Variants in CEP104 observed in about 807,000 individuals in gnomAD.
The protein encoded by CEP104 is centrosomal protein of 104 kDa.
In CEP104, 84 loss-of-function variants were observed where a neutral mutation model predicts 113.3. That is an observed-to-expected ratio of 0.74 (90% CI 0.62 to 0.89). The LOEUF is 0.89. Among genes scored for constraint, CEP104 ranks in the 40% least tolerant of loss-of-function variants. CEP104 has a pLI of 0.00. For missense variants in CEP104, 1,053 were observed against 1,156.6 expected, an observed-to-expected ratio of 0.91 and a Z score of 1.30; for synonymous variants, 378 against 421.7, an observed-to-expected ratio of 0.90 and a Z score of 1.27.
intron 13 of CEP104, 137 bp downstream of exon 13, chr1:3,830,909 G>T: frequency 1.1e-6 from 1 of 901,650 alleles, no homozygotes; most frequent in Non-Finnish European, 1.6e-6. Flanking sequence ...CCCATTTGTT[G>T]GATGAAACAC....
chr1:3,833,824 A>T (rs1001224598), intron 12 of CEP104, 38 bp downstream of exon 12: 2 of 1,601,532 alleles, frequency 1.2e-6, no homozygotes, highest in Admixed American at 3.3e-5. Context: ...GAATATGTTT[A>T]TCATCTACGG....
chr1:3,814,749 G>C lies in CEP104; in HGVS notation c.*653C>G, dbSNP rs1252675747. On this transcript the variant is annotated 3_prime_UTR_variant, in exon 22 of 22. Transcript: ENST00000378230. The stretch of plus-strand genomic sequence containing the variant: ...ATCCAGCAAGGTGCGGCTGAGGTGG[G>C]ACCAATTCTCAAAAAAACTACGATT... 6.6e-6 allele frequency: 1 copy of C among 152,320 alleles called. No individual in the cohort carries two copies. Among genetic ancestry groups the C allele is most frequent in the Non-Finnish European group, 1.5e-5 (1 of 68,116 alleles). The allele number at this position is 152,320 out of a possible 1,614,324, so 9.4% of individuals were successfully genotyped here. A position where few individuals can be genotyped will look rare whatever the true frequency, so the allele number is the denominator to read the frequency against.
intron 4 of CEP104, among the ~76,000 whole-genome samples, chr1:3,846,761 T>A (rs561971392): frequency 1.4e-4 from 21 of 152,336 alleles, no homozygotes; most frequent in Admixed American, 1.3e-4. Context: ...GAGATTTGAT[T>A]TGCTGGGTGC....
intron 20 of CEP104, among the ~76,000 whole-genome samples, chr1:3,821,944 C>A (rs1302236472): frequency 2.6e-5 from 4 of 152,182 alleles, no homozygotes; most frequent in Non-Finnish European, 4.4e-5. Context: ...GATGAGATGG[C>A]GGCAATGTGA....
intron 1 of CEP104, among the ~76,000 whole-genome samples, chr1:3,854,933 G>A (rs537022162): frequency 4.6e-4 from 69 of 149,268 alleles, no homozygotes; most frequent in African/African-American, 1.4e-3. Context: ...GTGCAGTGGC[G>A]TGATCGCGGC....
intron 15 of CEP104, among the ~76,000 whole-genome samples, chr1:3,827,293 C>T (rs1311797397): frequency 1.3e-5 from 2 of 152,280 alleles, no homozygotes; most frequent in Non-Finnish European, 2.9e-5. Flanking sequence ...CAACTCACTG[C>T]AGCTTTGGCC....
rs903480324 is a variant in CEP104, at chr1:3,823,000, T to G, written c.2571+174A>C. ...TACGGAAGGAAATCATGTGAACACG[T>G]AGGTAAACGGAACGACTGCTCAGAC... On this transcript the variant is annotated intron_variant, in intron 20 of 21. Transcript: ENST00000378230. 20 of 650,640 alleles carry G rather than the reference T, an allele frequency of 3.1e-5. No homozygotes were observed. The South Asian group carries it at 3.8e-4, about 12-fold the overall frequency. The allele number at this position is 650,640 out of a possible 1,614,324, so 40.3% of individuals were successfully genotyped here. A position where few individuals can be genotyped will look rare whatever the true frequency, so the allele number is the denominator to read the frequency against.
chr1:3,836,883 G>T, intron 9 of CEP104, 191 bp from the exon 10 acceptor site: 1 of 583,100 alleles, frequency 1.7e-6, no homozygotes, highest in Non-Finnish European at 3.0e-6. Context: ...ATTAGATGAG[G>T]CTTTCTATTA....
At chr1:3,818,964 TGA>T (rs1249345627) in intron 20 of CEP104, among the ~76,000 whole-genome samples, 1 of 152,362 alleles carries the variant, frequency 6.6e-6, no homozygotes, top group East Asian at 1.9e-4. Context: ...TAGCATCTCC[TGA>T]GAGATTCATA....
rs1445004636 is a variant in CEP104 at position 3,837,508 on chromosome 1, A to T, written c.903T>A (p.Pro301=). Residue 301 remains proline (P), a synonymous_variant, in exon 9 of 22, where the codon CCT becomes CCA. Transcript: ENST00000378230. The part of the protein sequence containing the change: ...SLLDAELMRR[P]FDLPLQPLAR... Reference sequence around the variant, plus strand: ...CGAGGGGCTGGAGGGGCAAATCAAAAGGTCTTCGCATCTAGAGAACAAAAA... The same window carrying T: ...CGAGGGGCTGGAGGGGCAAATCAAATGGTCTTCGCATCTAGAGAACAAAAA... The T allele has an allele frequency of 6.2e-7, 1 of 1,614,150 alleles. No individual in the cohort carries two copies. Among genetic ancestry groups the T allele is most frequent in the South Asian group, 1.1e-5 (1 of 91,082 alleles).
In CEP104 at chr1:3,815,417, C is replaced by A. The variant is rs371225799; in HGVS notation, c.2763G>T (p.Thr921=). ...KGGLSKSSSR[T]YAKR is the part of the protein sequence containing the mutation. ...GAGCGCCGCGTCAGCGCTTGGCGTACGTCCTGCTGGAGCTCTTGCTCAGTC... is the reference window on the plus strand; with the variant it reads ...GAGCGCCGCGTCAGCGCTTGGCGTAAGTCCTGCTGGAGCTCTTGCTCAGTC... The change falls in exon 22 of 22, where the codon ACG becomes ACT. Residue 921 remains threonine, a synonymous_variant. Coordinates refer to ENST00000378230, the MANE Select transcript of CEP104 (RefSeq NM_014704.4). 7 of 1,612,092 alleles carry A rather than the reference C, an allele frequency of 4.3e-6. No individual in the cohort carries two copies. The Admixed American group carries it at 1.2e-4, about 27-fold the overall frequency.
At chr1:3,842,828 C>A (rs554098809) in intron 6 of CEP104, among the ~76,000 whole-genome samples, 4 of 152,050 alleles carry the variant, frequency 2.6e-5, no homozygotes, top group Non-Finnish European at 5.9e-5. Flanking sequence ...TGCTCTGTCC[C>A]CCAGACTGTA....
At position 3,852,556 on chromosome 1, in the gene CEP104, A is replaced by C. The variant is rs548619543; in HGVS notation, c.-14-135T>G. ...ATTCAGAATTTTCCCATCTCTTTGA[A>C]AAGAGTCTATTTTTTTTTGTTAAAC... is the stretch of plus-strand genomic sequence containing the variant. On this transcript the variant is annotated intron_variant, in intron 1 of 21. Coordinates refer to ENST00000378230, the MANE Select transcript of CEP104 (RefSeq NM_014704.4). The C allele has an allele frequency of 3.8e-6, 3 of 782,260 alleles. No homozygotes were observed. In the East Asian group the frequency reaches 8.7e-5, roughly 23 times the overall value. The allele number at this position is 782,260 out of a possible 1,614,324, so 48.5% of individuals were successfully genotyped here.
rs552488241 is a variant in CEP104 at position 3,845,046 on chromosome 1, C to T, written c.490-63G>A. The T allele has an allele frequency of 3.7e-6, 5 of 1,342,712 alleles. No homozygotes were observed. In the African/African-American group the frequency reaches 5.7e-5, roughly 15 times the overall value. 83.2% of individuals were successfully genotyped at this position (1,342,712 alleles called of 1,614,324 possible). A position where few individuals can be genotyped will look rare whatever the true frequency, so the allele number is the denominator to read the frequency against. ...AAAGAGGAACAACACAAAACCTTAA[C>T]TACAAGATTTATTTCATATAAAGCT... On this transcript the variant is annotated intron_variant, in intron 5 of 21. Transcript: ENST00000378230.
intron 15 of CEP104, among the ~76,000 whole-genome samples, chr1:3,828,897 C>A (rs1184146711): frequency 6.6e-6 from 1 of 152,176 alleles, no homozygotes; most frequent in Non-Finnish European, 1.5e-5. Context: ...GAAACCTTCC[C>A]TTTTTAATGC....
Position 3,823,197 on chromosome 1 carries a change from C to T in CEP104, c.2548G>A (p.Glu850Lys), listed in dbSNP as rs1351997273. 1.2e-6 allele frequency: 2 copies of T among 1,614,108 alleles called. No homozygotes were observed. The highest frequency in any genetic ancestry group is 3.3e-5 in the Admixed American group (2 of 60,012). The change falls in exon 20 of 22, where the codon GAG becomes AAG. Residue 850 changes from glutamate (E) to lysine (K), a missense_variant. Coordinates refer to ENST00000378230, the MANE Select transcript of CEP104 (RefSeq NM_014704.4). This position sits in a 1 kb window ranked among gnomAD's most constrained non-coding sequence, Gnocchi z 4.1. ...ACCTCTTCTCCAGGGCTGAAGTTCT[C>T]ATGACACAGGGGACACCGGTTTGCC... ...KLANRCPLCH[E>K]NFSPGEEAWK...
chr1:3,829,572 G>A (rs1229172874), intron 14 of CEP104, 199 bp from the exon 15 acceptor site: 7 of 658,260 alleles, frequency 1.1e-5, no homozygotes, highest in Non-Finnish European at 1.8e-5. Flanking sequence ...CACGGCTATC[G>A]TTATTCCGTT....
chr1:3,837,461 T>C lies in CEP104; in HGVS notation c.950A>G (p.His317Arg). The change falls in exon 9 of 22, where the codon CAC (histidine) becomes CGC (arginine). Residue 317 changes from histidine to arginine, a missense_variant. His to Arg is a conservative substitution (Grantham distance 29). Coordinates refer to ENST00000378230, the MANE Select transcript of CEP104 (RefSeq NM_014704.4). ...TGGTAGTGAGGGCATTGGCTTTTGG[T>C]GGCAAGGACTGCCAGAACGAGCGAG... ...QPLARSGSPCHQKPMPSLPQL... is the reference protein window; with the variant it reads ...QPLARSGSPCRQKPMPSLPQL... 3 of 1,614,194 alleles carry C rather than the reference T, an allele frequency of 1.9e-6. No homozygotes were observed. Among genetic ancestry groups the C allele is most frequent in the Non-Finnish European group, 2.5e-6 (3 of 1,180,030 alleles).
At chr1:3,836,035 C>A (rs889945206) in intron 10 of CEP104, among the ~76,000 whole-genome samples, 15 of 151,182 alleles carry the variant, frequency 9.9e-5, no homozygotes, top group Admixed American at 9.2e-4. Context: ...GGCGCAGTGG[C>A]TCATGCCTGT....
Sources: allele counts gnomAD v4.1 joint callset (sites outside exome capture counted in the v4.1 genomes callset), GRCh38; gene constraint gnomAD v4.1.1; non-coding constraint Gnocchi (gnomAD v3.1); transcripts MANE v1.5; gene names NCBI Gene and HGNC (gene_info 2026-07-23, HGNC 2026-07-21).